PITPNM3: variants seen among roughly 807,000 people sequenced by gnomAD.
The protein encoded by PITPNM3 is PITPNM family member 3.
PITPNM3 carries 26 observed loss-of-function variants against 102.0 expected under a neutral mutation model. The observed-to-expected ratio is 0.25, with a 90% confidence interval of 0.19 to 0.35. The LOEUF is 0.35. PITPNM3 is among the 10% of genes least tolerant of loss of function. The pLI is 1.00. For synonymous variants in PITPNM3, 578 were observed against 558.6 expected (o/e 1.03, Z -0.49); for missense variants, 1,083 against 1,346.1 (o/e 0.80, Z 3.06).
At position 6,469,137 on chromosome 17, in the gene PITPNM3, C is replaced by T. The variant is rs917865049; in HGVS notation, c.1774-796G>A. Among the ~76,000 whole-genome samples the T allele has an allele frequency of 1.3e-5, 2 of 152,184 alleles. No homozygotes were observed. The highest frequency in any genetic ancestry group is 1.3e-4 in the Admixed American group (2 of 15,280). ...GCTCCAGGACTCATCCCTGAACTTC[C>T]CTCTCTGTAGGAGCACCCTTAGTCT... On this transcript the variant is annotated intron_variant, in intron 13 of 19. Transcript: ENST00000262483. This position sits in a 1 kb window ranked among gnomAD's most constrained non-coding sequence, Gnocchi z 4.0.
intron 2 of PITPNM3, among the ~76,000 whole-genome samples, chr17:6,530,171 G>T (rs906725349): frequency 6.6e-6 from 1 of 152,154 alleles, no homozygotes; most frequent in African/African-American, 2.4e-5. Context: ...ATGGAAACCT[G>T]GTCCTCTATG....
chr17:6,515,224 T>C (rs9914482), intron 3 of PITPNM3, among the ~76,000 whole-genome samples: 70,204 of 151,402 alleles, frequency 0.46, 17,455 homozygotes, highest in African/African-American at 0.65. Flanking sequence ...AGTGAAACCC[T>C]GTCTCTACTA....
intron 1 of PITPNM3, among the ~76,000 whole-genome samples, chr17:6,546,605 A>G (rs1910030580): frequency 6.6e-6 from 1 of 152,260 alleles, no homozygotes; most frequent in African/African-American, 2.4e-5. Context: ...TCAGTCACAG[A>G]GCAACAACAC....
chr17:6,498,595 A>G (rs921456621), intron 4 of PITPNM3, among the ~76,000 whole-genome samples: 1 of 152,150 alleles, frequency 6.6e-6, no homozygotes, highest in Non-Finnish European at 1.5e-5. Flanking sequence ...GGAGGATGCA[A>G]TGGTCCAGGA....
chr17:6,523,428 C>T (rs902450468), intron 3 of PITPNM3, among the ~76,000 whole-genome samples: 2 of 152,314 alleles, frequency 1.3e-5, no homozygotes, highest in East Asian at 3.9e-4. Context: ...TCCAGCACTG[C>T]AGCTTCTGCC....
intron 15 of PITPNM3, 145 bp downstream of exon 15, chr17:6,464,510 C>T: frequency 3.7e-6 from 4 of 1,074,482 alleles, no homozygotes. Context: ...CCCGGCCCGC[C>T]CAAGCAGGTG....
intron 3 of PITPNM3, among the ~76,000 whole-genome samples, chr17:6,523,806 C>T (rs1035822007): frequency 9.9e-5 from 15 of 152,156 alleles, no homozygotes; most frequent in Admixed American, 9.2e-4. Flanking sequence ...AGAGTCAGAG[C>T]CCCCCCTTCT....
chr17:6,531,126 T>C (rs1597406748), intron 2 of PITPNM3, among the ~76,000 whole-genome samples: 1 of 152,238 alleles, frequency 6.6e-6, no homozygotes, highest in East Asian at 1.9e-4. Flanking sequence ...TAATTGGATA[T>C]TGTTCCAATT....
intron 4 of PITPNM3, among the ~76,000 whole-genome samples, chr17:6,489,466 TA>T (rs892846563): frequency 2.7e-5 from 4 of 145,970 alleles, no homozygotes; most frequent in Admixed American, 2.7e-4. Context: ...GGTGGAAACA[TA>T]AGGTTTTTTT....
intron 10 of PITPNM3, among the ~76,000 whole-genome samples, chr17:6,473,976 CAAAAAAA>C (rs56728914): frequency 5.3e-4 from 51 of 96,044 alleles, no homozygotes; most frequent in Admixed American, 6.7e-4. Context: ...GACTCCATCT[CAAAAAAA>C]AAAAAAAAAA....
At chr17:6,542,304 T>TA (rs749690908) in intron 1 of PITPNM3, among the ~76,000 whole-genome samples, 34 of 152,250 alleles carry the variant, frequency 2.2e-4, no homozygotes, top group Non-Finnish European at 3.5e-4. Flanking sequence ...TGTCTAGTGT[T>TA]ACACGAGCAT....
chr17:6,528,067 T>C (rs1459554898), intron 2 of PITPNM3, among the ~76,000 whole-genome samples: 1 of 152,196 alleles, frequency 6.6e-6, no homozygotes, highest in Non-Finnish European at 1.5e-5. Context: ...AGTCTCACCG[T>C]GCTTCTCTCA....
chr17:6,502,655 G>T (rs570093695), intron 4 of PITPNM3, among the ~76,000 whole-genome samples: 1 of 152,142 alleles, frequency 6.6e-6, no homozygotes, highest in Non-Finnish European at 1.5e-5. Flanking sequence ...CCCCAAAGCT[G>T]CAACCATAGA....
intron 17 of PITPNM3, among the ~76,000 whole-genome samples, chr17:6,463,417 G>GGGAGGGAGGCAGGGCGGGAA (rs1904576714): frequency 1.7e-5 from 1 of 58,718 alleles, no homozygotes; most frequent in Non-Finnish European, 4.0e-5. Context: ...CACGAGTGCA[G>GGGAGGGAGGCAGGGCGGGAA]GGAGGGAGGC....
chr17:6,500,846 T>C (rs1907125710), intron 4 of PITPNM3, among the ~76,000 whole-genome samples: 2 of 152,166 alleles, frequency 1.3e-5, no homozygotes, highest in African/African-American at 4.8e-5. Context: ...TGGCTAATTT[T>C]TGTATTTTTA....
intron 18 of PITPNM3, among the ~76,000 whole-genome samples, chr17:6,460,173 G>T (rs1280409820): frequency 6.6e-6 from 1 of 152,154 alleles, no homozygotes; most frequent in East Asian, 1.9e-4. Flanking sequence ...GCTCCCACTT[G>T]TCCTGGGTTT....
chr17:6,463,354 G>C (rs62061054), intron 17 of PITPNM3, among the ~76,000 whole-genome samples: 29,139 of 147,466 alleles, frequency 0.2, 3,664 homozygotes, highest in Middle Eastern at 0.35. Flanking sequence ...CTCTGCATCA[G>C]TGCCCAGCAC....
At chr17:6,552,062 C>T (rs1176678203) in intron 1 of PITPNM3, among the ~76,000 whole-genome samples, 1 of 152,172 alleles carries the variant, frequency 6.6e-6, no homozygotes, top group East Asian at 1.9e-4. Flanking sequence ...ATGTTCCCTC[C>T]CATCCTAACA....
intron 4 of PITPNM3, 21 bp downstream of exon 4, chr17:6,503,506 A>T: frequency 6.2e-7 from 1 of 1,611,662 alleles, no homozygotes; most frequent in East Asian, 2.2e-5. Context: ...AAATGACCCC[A>T]CAGGGTCAGG....
Sources: allele counts gnomAD v4.1 joint callset (sites outside exome capture counted in the v4.1 genomes callset), GRCh38; gene constraint gnomAD v4.1.1; non-coding constraint Gnocchi (gnomAD v3.1); transcripts MANE v1.5; gene names NCBI Gene and HGNC (gene_info 2026-07-23, HGNC 2026-07-21).